INVS: variants seen among roughly 807,000 people sequenced by gnomAD.
The protein encoded by INVS is inversin, also known as inversion of embryo turning homolog.
INVS carries 86 observed loss-of-function variants against 108.8 expected under a neutral mutation model. The observed-to-expected ratio is 0.79, with a 90% confidence interval of 0.66 to 0.95. The LOEUF is 0.95. Among genes scored for constraint, INVS ranks in the 40% least tolerant of loss-of-function variants. The pLI, the probability that INVS is intolerant of heterozygous loss-of-function variation, is 0.00. For missense variants in INVS, 1,169 were observed against 1,297.4 expected (o/e 0.90, Z 1.52); for synonymous variants, 455 against 473.5 (o/e 0.96, Z 0.51).
chr9:100,186,979 T>G (rs1830072541), intron 3 of INVS, among the ~76,000 whole-genome samples: 1 of 152,176 alleles, frequency 6.6e-6, no homozygotes, highest in African/African-American at 2.4e-5. Flanking sequence ...TCAAGAATTT[T>G]TATGGTTTCA....
In INVS at chr9:100,161,388, A is replaced by AAAC. The variant is rs57488885; in HGVS notation, c.273+34841_273+34842insCAA. On this transcript the variant is annotated intron_variant, in intron 3 of 16. Coordinates refer to ENST00000262457, the MANE Select transcript of INVS (RefSeq NM_014425.5). ...TCAAAAAAAAAAAAAAAAAAAAAAA[A>AAAC]AAAACCTCATAAATTGAGTGTTGTG... 2.6e-4 allele frequency among the ~76,000 whole-genome samples: 36 copies of AAAC among 139,100 alleles called. 1 individual carries two copies. The highest frequency in any genetic ancestry group is 1.1e-3 in the African/African-American group (36 of 34,080). The allele number at this position is 139,100 out of a possible 152,430, so 91.3% of individuals were successfully genotyped here.
chr9:100,106,976 G>C (rs985351115), intron 2 of INVS, among the ~76,000 whole-genome samples: 1 of 151,908 alleles, frequency 6.6e-6, no homozygotes, highest in Admixed American at 6.6e-5. Flanking sequence ...TGAATGGGGG[G>C]CAAATATTGC....
chr9:100,109,895 G>A (rs571290355), intron 2 of INVS, among the ~76,000 whole-genome samples: 3 of 152,136 alleles, frequency 2.0e-5, no homozygotes, highest in African/African-American at 2.4e-5. Flanking sequence ...TCGAACTCCC[G>A]ACCTCAAGTG....
intron 4 of INVS, among the ~76,000 whole-genome samples, chr9:100,228,781 A>G (rs1000297873): frequency 3.3e-5 from 5 of 152,206 alleles, no homozygotes; most frequent in Non-Finnish European, 7.3e-5. Flanking sequence ...ATCACATGCA[A>G]ATTTAAAAAC....
At chr9:100,109,882 G>C (rs1007613717) in intron 2 of INVS, among the ~76,000 whole-genome samples, 6 of 152,174 alleles carry the variant, frequency 3.9e-5, no homozygotes, top group Non-Finnish European at 7.3e-5. Flanking sequence ...GGTCAGGCTG[G>C]TCTCGAACTC....
At chr9:100,193,166 G>T (rs1270715547) in intron 3 of INVS, among the ~76,000 whole-genome samples, 1 of 151,860 alleles carries the variant, frequency 6.6e-6, no homozygotes, top group East Asian at 1.9e-4. Context: ...TTTTTGTAGA[G>T]ATGGGGTGTC....
chr9:100,119,826 G>C lies in INVS; in HGVS notation c.107-6557G>C, dbSNP rs1827669917. 2.6e-5 allele frequency among the ~76,000 whole-genome samples: 4 copies of C among 152,128 alleles called. No individual in the cohort carries two copies. The South Asian group carries it at 8.3e-4, about 31-fold the overall frequency. Reference sequence around the variant, plus strand: ...GCCCACCTCGGCCTCCCAAAGTGTTGGGATTACAGGCGTGAGCCGCTGCAC... The same window carrying C: ...GCCCACCTCGGCCTCCCAAAGTGTTCGGATTACAGGCGTGAGCCGCTGCAC... On this transcript the variant is annotated intron_variant, in intron 2 of 16. Coordinates refer to ENST00000262457, the MANE Select transcript of INVS (RefSeq NM_014425.5).
At chr9:100,244,842 A>T (rs2118517781) in intron 7 of INVS, among the ~76,000 whole-genome samples, 1 of 152,318 alleles carries the variant, frequency 6.6e-6, no homozygotes, top group South Asian at 2.1e-4. Context: ...AAAGCAAAAA[A>T]TCACAAACTT....
intron 3 of INVS, chr9:100,129,992 T>C (rs1828009866): frequency 3.0e-6 from 1 of 335,768 alleles, no homozygotes; most frequent in Non-Finnish European, 5.4e-6. Flanking sequence ...TGTGCTTGTA[T>C]AGGGTGGTGC....
chr9:100,265,078 G>T, intron 11 of INVS, 150 bp downstream of exon 11: 1 of 663,394 alleles, frequency 1.5e-6, no homozygotes, highest in Middle Eastern at 2.9e-4. Context: ...GAGTACCTGG[G>T]ATTACAGGCA....
intron 5 of INVS, among the ~76,000 whole-genome samples, chr9:100,236,064 A>G (rs999114664): frequency 5.3e-5 from 8 of 151,650 alleles, no homozygotes; most frequent in African/African-American, 1.9e-4. Context: ...CCTTTTCATT[A>G]TTTTTTCTCT....
intron 3 of INVS, chr9:100,175,149 A>G (rs371359530): frequency 9.5e-5 from 36 of 379,944 alleles, no homozygotes; most frequent in Non-Finnish European, 1.3e-4. Flanking sequence ...CAGCTCTTAA[A>G]TTTTTTCCTC....
At position 100,124,547 on chromosome 9, in the gene INVS, A is replaced by T. The variant is rs925501312; in HGVS notation, c.107-1836A>T. Among the ~76,000 whole-genome samples, 6 of 60,414 alleles carry T rather than the reference A, an allele frequency of 9.9e-5. 1 individual carries two copies. Among genetic ancestry groups the T allele is most frequent in the African/African-American group, 5.9e-4 (5 of 8,500 alleles). 39.6% of individuals were successfully genotyped at this position (60,414 alleles called of 152,430 possible). ...TGGGCAACACAGTGAGACCCTCATT[A>T]AAAAAAAAAAAAAAACTAAAGAGGT... is the stretch of plus-strand genomic sequence containing the variant. On this transcript the variant is annotated intron_variant, in intron 2 of 16. Transcript: ENST00000262457.
rs76752010 is a variant in INVS, at chr9:100,238,377, G to A, written c.616-1683G>A. On this transcript the variant is annotated intron_variant, in intron 5 of 16. Transcript: ENST00000262457. ...CATGATGTATCTTTTCTCTCAGGCT[G>A]CTTTTACATTTTGCTCTTTGTTTGG... Among the ~76,000 whole-genome samples the A allele has an allele frequency of 6.7e-3, 1,025 of 152,146 alleles. 6 individuals are homozygous for A. The highest frequency in any genetic ancestry group is 0.01 in the Admixed American group (156 of 15,278).
intron 12 of INVS, among the ~76,000 whole-genome samples, chr9:100,282,399 A>G (rs1288669631): frequency 2.6e-5 from 4 of 152,262 alleles, no homozygotes; most frequent in East Asian, 1.9e-4. Flanking sequence ...CCATCTGGCC[A>G]TGTTCTCGGT....
intron 3 of INVS, among the ~76,000 whole-genome samples, chr9:100,185,656 A>T (rs1452118481): frequency 6.6e-6 from 1 of 151,186 alleles, no homozygotes; most frequent in Non-Finnish European, 1.5e-5. Flanking sequence ...TCACCTGAAT[A>T]GTGTATGTTG....
chr9:100,260,779 C>G (rs182612470), intron 10 of INVS, among the ~76,000 whole-genome samples: 3 of 152,228 alleles, frequency 2.0e-5, no homozygotes, highest in Admixed American at 2.0e-4. Flanking sequence ...GCTCTTAACC[C>G]AAATATAGGT....
chr9:100,273,831 C>T (rs978077288), intron 12 of INVS, among the ~76,000 whole-genome samples: 2 of 151,976 alleles, frequency 1.3e-5, no homozygotes, highest in African/African-American at 4.8e-5. Context: ...AGCCACCGCA[C>T]CCAGCTTTCC....
chr9:100,231,359 AT>A (rs556197520), intron 5 of INVS, among the ~76,000 whole-genome samples: 2,834 of 151,930 alleles, frequency 0.019, 39 homozygotes, highest in Middle Eastern at 0.12. Flanking sequence ...TAGTTCTTAG[AT>A]TTTTTTTATT....
Sources: allele counts gnomAD v4.1 joint callset (sites outside exome capture counted in the v4.1 genomes callset), GRCh38; gene constraint gnomAD v4.1.1; transcripts MANE v1.5; gene names NCBI Gene and HGNC (gene_info 2026-07-23, HGNC 2026-07-21).